Variants in TRPM3 observed in about 807,000 individuals in gnomAD.
The protein encoded by TRPM3 is long transient receptor potential channel 3.
In TRPM3, 77 loss-of-function variants were observed where a neutral mutation model predicts 181.2. The observed-to-expected ratio is 0.42, with a 90% CI of 0.35 to 0.51. The LOEUF is 0.51. Ranked by LOEUF, TRPM3 falls within the 20% of genes least tolerant of loss-of-function variation. The pLI is 0.01. For missense variants in TRPM3, 1,759 were observed against 2,196.7 expected (o/e 0.80, Z 3.98); for synonymous variants, 745 against 796.4 (o/e 0.94, Z 1.09).
intron 15 of TRPM3, 143 bp from the exon 16 acceptor site, chr9:70,620,508 C>T (rs2063464446): frequency 1.1e-6 from 1 of 873,418 alleles, no homozygotes; most frequent in African/African-American, 1.7e-5. Flanking sequence ...AAAGAACTCA[C>T]AAGCTCATCC....
chr9:71,108,618 G>C (rs1174429691), intron 1 of TRPM3, among the ~76,000 whole-genome samples: 1 of 152,202 alleles, frequency 6.6e-6, no homozygotes, highest in African/African-American at 2.4e-5. Flanking sequence ...ACTATACCAA[G>C]TGTTAGCAGA....
rs10688191 is a variant in TRPM3 at position 71,155,481 on chromosome 9, TTTTTATTTTA to T, written c.184-290980_184-290971del. On this transcript the variant is annotated intron_variant, in intron 1 of 24. Coordinates refer to the TRPM3 transcript ENST00000357533. ...TTACAGGCATGCACCACCATGCTTATTTTTATTTTATTTTATTTTATTTTATTTTATTTTA... is the reference window on the plus strand; with the variant it reads ...TTACAGGCATGCACCACCATGCTTATTTTTATTTTATTTTATTTTATTTTA... 4.5e-3 allele frequency among the ~76,000 whole-genome samples: 583 copies of T among 128,928 alleles called. 1 individual carries two copies. Among genetic ancestry groups the T allele is most frequent in the Middle Eastern group, 0.014 (4 of 276 alleles). 84.6% of individuals were successfully genotyped at this position (128,928 alleles called of 152,430 possible).
At position 70,754,710 on chromosome 9, in the gene TRPM3, C is replaced by T. The variant is rs78977139; in HGVS notation, c.1272+6891G>A. On this transcript the variant is annotated intron_variant, in intron 8 of 25. Coordinates refer to ENST00000677713, the MANE Select transcript of TRPM3 (RefSeq NM_001366145.2). ...CAAATAGCTTAGCCAAACTTGGCAACGGTTAGACTGGCCTCATAATATTAT... is the reference window on the plus strand; with the variant it reads ...CAAATAGCTTAGCCAAACTTGGCAATGGTTAGACTGGCCTCATAATATTAT... Among the ~76,000 whole-genome samples, 1,137 of 152,224 alleles carry T rather than the reference C, an allele frequency of 7.5e-3. 3 individuals are homozygous for T. The highest frequency in any genetic ancestry group is 0.011 in the Non-Finnish European group (779 of 68,012).
intron 1 of TRPM3, among the ~76,000 whole-genome samples, chr9:71,299,017 C>A (rs754386039): frequency 4.6e-5 from 7 of 152,040 alleles, no homozygotes; most frequent in Middle Eastern, 3.4e-3. Flanking sequence ...AAAGAGACTG[C>A]TGAATTTAAT....
At chr9:70,974,280 C>T (rs1394574728) in intron 1 of TRPM3, among the ~76,000 whole-genome samples, 1 of 132,690 alleles carries the variant, frequency 7.5e-6, no homozygotes, top group Admixed American at 7.8e-5. Flanking sequence ...TGGTTCACGC[C>T]TGTAATACCA....
At chr9:70,567,284 T>C (rs991050273) in intron 22 of TRPM3, among the ~76,000 whole-genome samples, 1 of 152,222 alleles carries the variant, frequency 6.6e-6, no homozygotes, top group Non-Finnish European at 1.5e-5. Context: ...AAAGGGTAGA[T>C]TTAAATTCTC....
At chr9:71,313,171 T>C (rs913884169) in intron 1 of TRPM3, among the ~76,000 whole-genome samples, 1 of 152,108 alleles carries the variant, frequency 6.6e-6, no homozygotes, top group African/African-American at 2.4e-5. Context: ...TATGGGACAA[T>C]GGAAATTCTG....
chr9:71,221,044 G>T (rs2080209905), intron 1 of TRPM3, among the ~76,000 whole-genome samples: 1 of 152,152 alleles, frequency 6.6e-6, no homozygotes, highest in Non-Finnish European at 1.5e-5. Context: ...CTGTGTGAAT[G>T]AGCTAGTGAA....
intron 1 of TRPM3, among the ~76,000 whole-genome samples, chr9:71,030,170 T>G (rs1317996755): frequency 1.3e-5 from 2 of 152,252 alleles, no homozygotes; most frequent in African/African-American, 4.8e-5. Context: ...TAAAGTTTGT[T>G]TAATAAACAT....
intron 1 of TRPM3, among the ~76,000 whole-genome samples, chr9:71,207,474 C>A (rs2079194216): frequency 6.6e-6 from 1 of 152,068 alleles, no homozygotes; most frequent in Non-Finnish European, 1.5e-5. Flanking sequence ...TAAAGAACAT[C>A]TTGAGATCTT....
At chr9:71,099,390 A>G (rs962276981) in intron 1 of TRPM3, among the ~76,000 whole-genome samples, 3 of 152,214 alleles carry the variant, frequency 2.0e-5, no homozygotes, top group Admixed American at 1.3e-4. Flanking sequence ...TTGGGGGGGT[A>G]TACACATTCA....
At chr9:71,241,198 C>T (rs1238749703) in intron 1 of TRPM3, among the ~76,000 whole-genome samples, 2 of 152,076 alleles carry the variant, frequency 1.3e-5, no homozygotes, top group African/African-American at 4.8e-5. Flanking sequence ...CAGGTAATCG[C>T]ACACTCACCA....
chr9:71,102,231 G>GA (rs1396632572), intron 1 of TRPM3, among the ~76,000 whole-genome samples: 2 of 152,050 alleles, frequency 1.3e-5, no homozygotes, highest in African/African-American at 2.4e-5. Context: ...ACCCGTCCTG[G>GA]AATCACCATT....
intron 6 of TRPM3, among the ~76,000 whole-genome samples, chr9:70,821,037 G>A (rs1407810544): frequency 1.3e-5 from 2 of 152,134 alleles, no homozygotes; most frequent in Admixed American, 6.6e-5. Flanking sequence ...GCTGAAAGTC[G>A]AATTTGCAAC....
At chr9:71,446,952 C>T, upstream of TRPM3, 1 of 1,071,512 alleles carries the variant, frequency 9.3e-7, no homozygotes, top group South Asian at 1.9e-5. Context: ...GCCTTTGCCT[C>T]CGCCGGCTCC....
chr9:70,609,685 A>T (rs2061725202), intron 19 of TRPM3, among the ~76,000 whole-genome samples: 1 of 152,252 alleles, frequency 6.6e-6, no homozygotes, highest in Non-Finnish European at 1.5e-5. Flanking sequence ...CCAGCTTTAA[A>T]GTCAATGTTA....
intron 1 of TRPM3, among the ~76,000 whole-genome samples, chr9:71,195,263 A>T (rs2078275984): frequency 6.6e-6 from 1 of 152,126 alleles, no homozygotes; most frequent in Admixed American, 6.6e-5. Context: ...TATGCATCTG[A>T]CAAAGGTCTA....
At chr9:71,311,297 A>C (rs1188093178) in intron 1 of TRPM3, among the ~76,000 whole-genome samples, 1 of 152,196 alleles carries the variant, frequency 6.6e-6, no homozygotes. Flanking sequence ...ACATGAGAGC[A>C]ACATGTTCAA....
At chr9:71,033,614 G>T (rs546876840) in intron 1 of TRPM3, among the ~76,000 whole-genome samples, 1 of 152,222 alleles carries the variant, frequency 6.6e-6, no homozygotes, top group South Asian at 2.1e-4. Context: ...TCACAGTGGC[G>T]ATGGATTAAA....
Sources: allele counts gnomAD v4.1 joint callset (sites outside exome capture counted in the v4.1 genomes callset), GRCh38; gene constraint gnomAD v4.1.1; transcripts MANE v1.5; gene names NCBI Gene and HGNC (gene_info 2026-07-23, HGNC 2026-07-21).